Variants in RAB39A observed in about 807,000 individuals in gnomAD.
RAB39A encodes the protein ras-related protein Rab-39A.
Under a neutral mutation model 20.9 loss-of-function variants are expected in RAB39A, and 17 were observed. The observed-to-expected ratio is 0.81, with a 90% CI of 0.56 to 1.22. The LOEUF (loss-of-function observed/expected upper bound fraction) is 1.22. Among genes scored for constraint, RAB39A ranks in the 50% most tolerant of loss-of-function variants. RAB39A has a pLI of 0.00. For missense variants in RAB39A, 234 were observed against 270.5 expected (o/e 0.87, Z 0.95); for synonymous variants, 99 against 103.4 (o/e 0.96, Z 0.26).
At chr11:107,932,580 C>T (rs1340595093) in intron 1 of RAB39A, among the ~76,000 whole-genome samples, 1 of 152,274 alleles carries the variant, frequency 6.6e-6, no homozygotes, top group East Asian at 1.9e-4. Context: ...ATTCTTTCGG[C>T]TCTCAATTCA....
chr11:107,959,602 G>A (rs1591250103), intron 1 of RAB39A, among the ~76,000 whole-genome samples: 1 of 152,144 alleles, frequency 6.6e-6, no homozygotes, highest in East Asian at 1.9e-4. Context: ...AGCCACTTGG[G>A]AATCTCTCTA....
intron 1 of RAB39A, among the ~76,000 whole-genome samples, chr11:107,938,564 T>TAAAAA (rs5794580): frequency 3.1e-4 from 29 of 94,942 alleles, no homozygotes; most frequent in South Asian, 4.1e-4. Flanking sequence ...ACCTCGTCTA[T>TAAAAA]AAAAAAAAAA....
At chr11:107,961,258 C>T (rs979090392) in intron 1 of RAB39A, among the ~76,000 whole-genome samples, 1 of 152,160 alleles carries the variant, frequency 6.6e-6, no homozygotes, top group Non-Finnish European at 1.5e-5. Context: ...GGTCAGGTTC[C>T]AGTGAGGGCC....
At chr11:107,944,030 G>A (rs1478321906) in intron 1 of RAB39A, among the ~76,000 whole-genome samples, 1 of 151,956 alleles carries the variant, frequency 6.6e-6, no homozygotes, top group African/African-American at 2.4e-5. Context: ...AGGAGGCAGA[G>A]GTTGCAGTCA....
chr11:107,958,978 G>A (rs1292852131), intron 1 of RAB39A, among the ~76,000 whole-genome samples: 1 of 151,926 alleles, frequency 6.6e-6, no homozygotes, highest in Non-Finnish European at 1.5e-5. Context: ...AAATTAGCTG[G>A]GCATGGTGGT....
intron 1 of RAB39A, among the ~76,000 whole-genome samples, chr11:107,940,315 A>G (rs1166535676): frequency 2.0e-5 from 3 of 151,962 alleles, no homozygotes; most frequent in African/African-American, 7.3e-5. Context: ...CCTAGGTTCT[A>G]GTACAGTGGC....
chr11:107,941,310 A>G (rs1861256439), intron 1 of RAB39A, among the ~76,000 whole-genome samples: 2 of 152,114 alleles, frequency 1.3e-5, no homozygotes, highest in Non-Finnish European at 2.9e-5. Flanking sequence ...TTGCAGTACT[A>G]GTGTTCTGCA....
intron 1 of RAB39A, among the ~76,000 whole-genome samples, chr11:107,929,814 C>T (rs1289890411): frequency 1.3e-5 from 2 of 152,174 alleles, no homozygotes; most frequent in Non-Finnish European, 2.9e-5. Context: ...TTCAAAGGCA[C>T]TTCGTTTTAG....
intron 1 of RAB39A, among the ~76,000 whole-genome samples, chr11:107,935,178 C>T (rs1231053479): frequency 6.6e-6 from 1 of 152,022 alleles, no homozygotes; most frequent in Non-Finnish European, 1.5e-5. Flanking sequence ...GAATTCAGGG[C>T]AAGTCTGCAG....
intron 1 of RAB39A, among the ~76,000 whole-genome samples, chr11:107,934,802 G>A (rs1370058884): frequency 6.6e-6 from 1 of 151,668 alleles, no homozygotes; most frequent in Non-Finnish European, 1.5e-5. Context: ...GGTGGCAGGC[G>A]CCTGTAATCC....
chr11:107,938,722 A>G (rs1291795465), intron 1 of RAB39A, among the ~76,000 whole-genome samples: 2 of 148,820 alleles, frequency 1.3e-5, no homozygotes, highest in East Asian at 4.0e-4. Context: ...GGCAACAGAG[A>G]GAGGCCCTAT....
chr11:107,946,451 TA>T (rs1861316350), intron 1 of RAB39A, among the ~76,000 whole-genome samples: 1 of 81,790 alleles, frequency 1.2e-5, no homozygotes, highest in East Asian at 3.0e-4. Context: ...TATATATATA[TA>T]TATATATATT....
intron 1 of RAB39A, among the ~76,000 whole-genome samples, chr11:107,941,902 C>A (rs983460601): frequency 6.6e-6 from 1 of 151,898 alleles, no homozygotes; most frequent in Non-Finnish European, 1.5e-5. Context: ...AGTTGGAGAC[C>A]AGCCTGGCCA....
At chr11:107,954,442 C>T (rs779362595) in intron 1 of RAB39A, among the ~76,000 whole-genome samples, 1 of 152,142 alleles carries the variant, frequency 6.6e-6, no homozygotes, top group Non-Finnish European at 1.5e-5. Context: ...TTACCAGCCC[C>T]GATCTTGTTT....
Position 107,962,282 on chromosome 11 carries a change from T to C in RAB39A, c.564T>C (p.Asp188=). ...AAAAGGGAGAAATTTGTATTCAGGA[T>C]GGCTGGGAAGGGGTTAAAAGTGGTT... is the stretch of plus-strand genomic sequence containing the variant. ...LIKKGEICIQ[D]GWEGVKSGFV... The change falls in exon 2 of 2, where the codon GAT becomes GAC. Residue 188 remains aspartate (D), a synonymous_variant. Transcript: ENST00000320578. 1 of 1,613,844 alleles carries C rather than the reference T, an allele frequency of 6.2e-7. No individual in the cohort carries two copies. Among genetic ancestry groups the C allele is most frequent in the Non-Finnish European group, 8.5e-7 (1 of 1,179,946 alleles).
intron 1 of RAB39A, among the ~76,000 whole-genome samples, chr11:107,960,788 C>A (rs1447306349): frequency 1.3e-5 from 2 of 152,192 alleles, no homozygotes; most frequent in Middle Eastern, 3.4e-3. Context: ...CTACAGAAAC[C>A]CTGACTAGAA....
chr11:107,946,781 T>A (rs115145113), intron 1 of RAB39A, among the ~76,000 whole-genome samples: 1,619 of 151,342 alleles, frequency 0.011, 23 homozygotes, highest in African/African-American at 0.037. Context: ...GCCGATACTA[T>A]TTTTTTTAAA....
intron 1 of RAB39A, among the ~76,000 whole-genome samples, chr11:107,939,359 C>T (rs1019122193): frequency 3.3e-5 from 5 of 151,258 alleles, no homozygotes; most frequent in African/African-American, 1.2e-4. Flanking sequence ...GTAATCCCAG[C>T]ACTTTGGGAG....
chr11:107,945,966 C>T (rs1861303360), intron 1 of RAB39A, among the ~76,000 whole-genome samples: 1 of 152,070 alleles, frequency 6.6e-6, no homozygotes, highest in African/African-American at 2.4e-5. Context: ...CAAGCCTTCA[C>T]CCTTCAAGCA....
Sources: gnomAD v4.1 joint callset for allele counts (sites outside exome capture counted in the v4.1 genomes callset) on GRCh38, gnomAD v4.1.1 for gene constraint, MANE v1.5 for transcripts, NCBI Gene and HGNC (gene_info 2026-07-23, HGNC 2026-07-21) for gene names.